The following THRB variants were observed in gnomAD, a reference collection of about 807,000 sequenced individuals.
The protein encoded by THRB is nuclear receptor subfamily 1 group A member 2.
In THRB, 12 loss-of-function variants were observed where a neutral mutation model predicts 47.8. The observed-to-expected ratio is 0.25, with a 90% CI of 0.16 to 0.41. The LOEUF (loss-of-function observed/expected upper bound fraction) is 0.41. Among genes scored for constraint, THRB ranks in the 10% least tolerant of loss-of-function variants. The pLI is 1.00. For synonymous variants in THRB, 218 were observed against 212.2 expected (o/e 1.03, Z -0.24); for missense variants, 348 against 589.2 (o/e 0.59, Z 4.24).
chr3:24,375,303 A>G (rs2149788201), intron 1 of THRB, among the ~76,000 whole-genome samples: 1 of 147,590 alleles, frequency 6.8e-6, no homozygotes, highest in African/African-American at 2.5e-5. Context: ...TTAGAAATAT[A>G]ATATTAATAT....
intron 1 of THRB, among the ~76,000 whole-genome samples, chr3:24,450,038 C>A (rs1010188007): frequency 6.6e-6 from 1 of 151,328 alleles, no homozygotes; most frequent in South Asian, 2.1e-4. Flanking sequence ...GGGAGTTAGC[C>A]GGGAAGTAAA....
intron 5 of THRB, among the ~76,000 whole-genome samples, chr3:24,181,233 C>A (rs2041858432): frequency 6.6e-6 from 1 of 152,264 alleles, no homozygotes; most frequent in South Asian, 2.1e-4. Flanking sequence ...TCCTTGTCTT[C>A]CCCACAAGGG....
At chr3:24,350,311 T>C (rs777523360) in intron 1 of THRB, among the ~76,000 whole-genome samples, 19 of 152,210 alleles carry the variant, frequency 1.2e-4, no homozygotes, top group South Asian at 1.2e-3. Context: ...CTCCTAAAGC[T>C]GAATACACAT....
chr3:24,230,453 G>C (rs2048138540), intron 3 of THRB, among the ~76,000 whole-genome samples: 1 of 152,210 alleles, frequency 6.6e-6, no homozygotes, highest in Non-Finnish European at 1.5e-5. Context: ...CTGATGGAGA[G>C]GATGAGTATT....
intron 1 of THRB, among the ~76,000 whole-genome samples, chr3:24,435,784 C>G (rs2070881800): frequency 6.6e-6 from 1 of 152,174 alleles, no homozygotes; most frequent in Non-Finnish European, 1.5e-5. Context: ...GAAACCAAAG[C>G]ACGCAGCAAT....
rs559679690 is a variant in THRB, at chr3:24,204,547, T to G, written c.23-14213A>C. On this transcript the variant is annotated intron_variant, in intron 4 of 10. Transcript: ENST00000646209. ...CCAAAGGTAGATAAAACCACAAAGATGGGGAAAAAACAGAGCAGAAAAGCT... is the reference window on the plus strand; with the variant it reads ...CCAAAGGTAGATAAAACCACAAAGAGGGGGAAAAAACAGAGCAGAAAAGCT... Among the ~76,000 whole-genome samples the G allele has an allele frequency of 3.3e-5, 5 of 152,152 alleles. No individual in the cohort carries two copies. In the East Asian group the frequency reaches 9.7e-4, roughly 29 times the overall value.
intron 2 of THRB, among the ~76,000 whole-genome samples, chr3:24,311,410 T>C (rs935941360): frequency 6.6e-6 from 1 of 152,164 alleles, no homozygotes; most frequent in African/African-American, 2.4e-5. Context: ...TGATGCCCTC[T>C]CGTCTCTCCT....
Position 24,289,382 on chromosome 3 carries a change from A to G in THRB, c.-43+7844T>C, listed in dbSNP as rs568470680. Among the ~76,000 whole-genome samples, 8 of 152,342 alleles carry G rather than the reference A, an allele frequency of 5.3e-5. No individual in the cohort carries two copies. The East Asian group carries it at 1.5e-3, about 29-fold the overall frequency. ...GGTTAAAACATAAAAAATTGCCAAC[A>G]TTCAGTCATTTTAACCTACAAAAAT... On this transcript the variant is annotated intron_variant, in intron 3 of 10. Transcript: ENST00000646209.
chr3:24,241,317 C>G (rs781117933), intron 3 of THRB, among the ~76,000 whole-genome samples: 1 of 152,188 alleles, frequency 6.6e-6, no homozygotes, highest in Non-Finnish European at 1.5e-5. Context: ...CCCAATAATG[C>G]GTACTTAGAA....
chr3:24,155,609 T>A (rs151020481), intron 5 of THRB, among the ~76,000 whole-genome samples: 12 of 152,244 alleles, frequency 7.9e-5, no homozygotes, highest in African/African-American at 2.7e-4. Context: ...CTAGAGAACT[T>A]AACCATTTCT....
At chr3:24,245,032 A>G (rs1434350749) in intron 3 of THRB, among the ~76,000 whole-genome samples, 1 of 152,230 alleles carries the variant, frequency 6.6e-6, no homozygotes, top group African/African-American at 2.4e-5. Flanking sequence ...GGGGCTATCC[A>G]GAGTCCTGGC....
chr3:24,448,301 G>A (rs531236343), intron 1 of THRB, among the ~76,000 whole-genome samples: 19 of 152,026 alleles, frequency 1.2e-4, no homozygotes, highest in South Asian at 1.2e-3. Flanking sequence ...CGCAATTCAG[G>A]GATCAAAATG....
intron 1 of THRB, among the ~76,000 whole-genome samples, chr3:24,404,735 G>C (rs996597106): frequency 6.6e-6 from 1 of 151,660 alleles, no homozygotes; most frequent in African/African-American, 2.4e-5. Flanking sequence ...TTCTAATGTG[G>C]TAAAGAAACA....
intron 3 of THRB, among the ~76,000 whole-genome samples, chr3:24,270,007 T>C (rs966725866): frequency 3.3e-5 from 5 of 152,212 alleles, no homozygotes; most frequent in Non-Finnish European, 5.9e-5. Context: ...TAAACTATGC[T>C]ATTTAAGGTT....
intron 5 of THRB, among the ~76,000 whole-genome samples, chr3:24,187,957 C>A (rs1010489461): frequency 6.6e-6 from 1 of 152,080 alleles, no homozygotes; most frequent in Non-Finnish European, 1.5e-5. Context: ...CAAGGTGGAC[C>A]CTGGTGGTTA....
At chr3:24,148,966 T>C (rs1163310373) in intron 6 of THRB, among the ~76,000 whole-genome samples, 3 of 152,230 alleles carry the variant, frequency 2.0e-5, no homozygotes, top group Non-Finnish European at 4.4e-5. Context: ...TTCAGTGATG[T>C]TCATACACTG....
chr3:24,161,028 A>G (rs2038728440), intron 5 of THRB, among the ~76,000 whole-genome samples: 1 of 152,264 alleles, frequency 6.6e-6, no homozygotes, highest in Admixed American at 6.5e-5. Context: ...GTTAATTCTC[A>G]GGAAAGAAAA....
At chr3:24,218,404 A>T (rs1284768812) in intron 4 of THRB, among the ~76,000 whole-genome samples, 1 of 149,126 alleles carries the variant, frequency 6.7e-6, no homozygotes, top group East Asian at 2.0e-4. Flanking sequence ...TCTTTTAGAA[A>T]ATTCTAGCTA....
At chr3:24,349,894 T>C (rs1332676700) in intron 1 of THRB, among the ~76,000 whole-genome samples, 2 of 151,970 alleles carry the variant, frequency 1.3e-5, no homozygotes, top group Non-Finnish European at 2.9e-5. Context: ...AGAAATTAGA[T>C]TATATTAAAA....
Sources: gnomAD v4.1 joint callset for allele counts (sites outside exome capture counted in the v4.1 genomes callset) on GRCh38, gnomAD v4.1.1 for gene constraint, MANE v1.5 for transcripts, NCBI Gene and HGNC (gene_info 2026-07-23, HGNC 2026-07-21) for gene names.